Variants in DCC observed in about 807,000 individuals in gnomAD.
The protein encoded by DCC is DCC netrin 1 receptor.
DCC carries 58 observed loss-of-function variants against 172.5 expected under a neutral mutation model. The ratio of observed to expected loss-of-function variants is 0.34; its 90% CI spans 0.27 to 0.42. DCC has a LOEUF of 0.42. Among genes scored for constraint, DCC ranks in the 10% least tolerant of loss-of-function variants. DCC has a pLI of 1.00. For synonymous variants in DCC, 709 were observed against 644.5 expected, an observed-to-expected ratio of 1.10 and a Z score of -1.52; for missense variants, 1,740 against 1,791.0, an observed-to-expected ratio of 0.97 and a Z score of 0.51.
Position 53,187,417 on chromosome 18 carries a change from T to C in DCC, c.1573+8301T>C, listed in dbSNP as rs150494106. On this transcript the variant is annotated intron_variant, in intron 9 of 28. Transcript: ENST00000442544. The stretch of plus-strand genomic sequence containing the variant: ...GATTACAGGAGTGAACCACCGTGCC[T>C]GGCTCTATTTCCTTTTTTTAACCTA... 3.5e-3 allele frequency among the ~76,000 whole-genome samples: 538 copies of C among 152,248 alleles called. 3 individuals carry two copies. Among genetic ancestry groups the C allele is most frequent in the Non-Finnish European group, 5.6e-3 (378 of 68,016 alleles).
chr18:53,463,177 C>T (rs373652744), intron 24 of DCC, among the ~76,000 whole-genome samples: 79 of 152,328 alleles, frequency 5.2e-4, no homozygotes, highest in African/African-American at 1.8e-3. Flanking sequence ...GCCTCACTGC[C>T]CTAAGGAGGT....
At chr18:52,548,959 T>C (rs1217051654) in intron 1 of DCC, among the ~76,000 whole-genome samples, 1 of 152,126 alleles carries the variant, frequency 6.6e-6, no homozygotes, top group Non-Finnish European at 1.5e-5. Context: ...TGGATCTAAA[T>C]ATCCCTGCAC....
intron 10 of DCC, 57 bp downstream of exon 10, chr18:53,205,421 A>G (rs2144550163): frequency 6.4e-7 from 1 of 1,565,390 alleles, no homozygotes; most frequent in Admixed American, 1.7e-5. Flanking sequence ...CATCCATTGG[A>G]TAGCTCTAGG....
intron 22 of DCC, among the ~76,000 whole-genome samples, chr18:53,446,009 C>A (rs1599159527): frequency 6.7e-6 from 1 of 148,510 alleles, no homozygotes; most frequent in African/African-American, 2.5e-5. Flanking sequence ...TGCCTGTAAT[C>A]CCAGCACTTT....
intron 27 of DCC, among the ~76,000 whole-genome samples, chr18:53,516,601 CAAGAA>C (rs1195807350): frequency 6.6e-6 from 1 of 151,190 alleles, no homozygotes; most frequent in African/African-American, 2.5e-5. Flanking sequence ...AACAAATTTA[CAAGAA>C]AATAAACAAC....
At chr18:53,472,485 C>A (rs547368233) in intron 25 of DCC, among the ~76,000 whole-genome samples, 19 of 152,294 alleles carry the variant, frequency 1.2e-4, no homozygotes, top group African/African-American at 4.6e-4. Flanking sequence ...TAACTAAGTT[C>A]TATCTGTGCC....
intron 23 of DCC, among the ~76,000 whole-genome samples, chr18:53,458,235 A>G (rs2045507326): frequency 6.6e-6 from 1 of 152,242 alleles, no homozygotes; most frequent in South Asian, 2.1e-4. Context: ...GAGATTTAAA[A>G]GTTATAAAAC....
chr18:52,497,278 A>ATATATATGT (rs2030807911), intron 1 of DCC, among the ~76,000 whole-genome samples: 1 of 60,990 alleles, frequency 1.6e-5, no homozygotes, highest in African/African-American at 8.0e-5. Context: ...AAAAAAAAAA[A>ATATATATGT]AAATATATAT....
At chr18:52,567,592 T>C (rs2033188798) in intron 1 of DCC, among the ~76,000 whole-genome samples, 2 of 152,116 alleles carry the variant, frequency 1.3e-5, no homozygotes, top group South Asian at 4.1e-4. Flanking sequence ...TGTTTTCACT[T>C]ACAAATGGGA....
intron 1 of DCC, among the ~76,000 whole-genome samples, chr18:52,495,018 A>G (rs1291440990): frequency 6.6e-6 from 1 of 152,070 alleles, no homozygotes; most frequent in African/African-American, 2.4e-5. Flanking sequence ...TCAAGGCTGG[A>G]TTATATTTCT....
chr18:53,018,553 G>A (rs2143909265), intron 5 of DCC, among the ~76,000 whole-genome samples: 1 of 151,916 alleles, frequency 6.6e-6, no homozygotes. Flanking sequence ...TCTTTCTCAG[G>A]GATGATTTTT....
At chr18:53,416,504 C>A (rs1599125429) in intron 21 of DCC, 2 of 399,160 alleles carry the variant, frequency 5.0e-6, no homozygotes, top group East Asian at 5.4e-5. Flanking sequence ...GCTCTTGCAC[C>A]CTTTCCTGAG....
chr18:53,047,276 A>ATATATATATATAATTT, intron 5 of DCC, among the ~76,000 whole-genome samples: 1 of 32,054 alleles, frequency 3.1e-5, no homozygotes, highest in South Asian at 7.6e-4. Flanking sequence ...ATATATATAT[A>ATATATATATATAATTT]TATATATATA....
intron 1 of DCC, among the ~76,000 whole-genome samples, chr18:52,521,669 T>A (rs895707717): frequency 3.9e-5 from 6 of 152,082 alleles, no homozygotes; most frequent in Admixed American, 2.6e-4. Flanking sequence ...TTGGGGGAGG[T>A]ATACAGGAAT....
chr18:53,196,223 G>A (rs989025203), intron 9 of DCC, among the ~76,000 whole-genome samples: 2 of 152,106 alleles, frequency 1.3e-5, no homozygotes, highest in Non-Finnish European at 2.9e-5. Context: ...GGTAGTTTTT[G>A]TAGATCACAA....
chr18:53,099,120 A>T (rs975266959), intron 7 of DCC, among the ~76,000 whole-genome samples: 1 of 152,070 alleles, frequency 6.6e-6, no homozygotes, highest in Admixed American at 6.6e-5. Context: ...ATAGCCACTT[A>T]TGTTTCTTGC....
At chr18:52,869,721 A>G (rs1235125114) in intron 2 of DCC, among the ~76,000 whole-genome samples, 1 of 152,204 alleles carries the variant, frequency 6.6e-6, no homozygotes, top group African/African-American at 2.4e-5. Context: ...AGAGGGGGCC[A>G]AAGTCTGCTG....
At chr18:52,570,701 A>G (rs1479913757) in intron 1 of DCC, among the ~76,000 whole-genome samples, 2 of 152,212 alleles carry the variant, frequency 1.3e-5, no homozygotes, top group Non-Finnish European at 2.9e-5. Flanking sequence ...GTCTCATGAT[A>G]CTAAATTCAC....
In DCC at chr18:52,746,318, A is replaced by G. The variant is rs191651140; in HGVS notation, c.92-5736A>G. ...AGTTTGTGTAATTTTAAGTGATACA[A>G]TTATGCATAGCAAGTTCTATGGGGA... On this transcript the variant is annotated intron_variant, in intron 1 of 28. Coordinates refer to ENST00000442544, the MANE Select transcript of DCC (RefSeq NM_005215.4). Among the ~76,000 whole-genome samples the G allele has an allele frequency of 2.5e-3, 375 of 152,318 alleles. 3 individuals are homozygous for G. The highest frequency in any genetic ancestry group is 0.01 in the Admixed American group (155 of 15,294).
Sources: allele counts gnomAD v4.1 joint callset (sites outside exome capture counted in the v4.1 genomes callset), GRCh38; gene constraint gnomAD v4.1.1; transcripts MANE v1.5; gene names NCBI Gene and HGNC (gene_info 2026-07-23, HGNC 2026-07-21).